SCN2A: variants seen among roughly 807,000 people sequenced by gnomAD.
SCN2A encodes the protein sodium channel protein type 2 subunit alpha.
Under a neutral mutation model 188.7 loss-of-function variants are expected in SCN2A, and 20 were observed. That is an observed-to-expected ratio of 0.11 (90% CI 0.07 to 0.15). The LOEUF is 0.15. SCN2A is among the 10% of genes least tolerant of loss of function. SCN2A has a pLI of 1.00. For missense variants in SCN2A, 1,278 were observed against 2,445.0 expected, an observed-to-expected ratio of 0.52 and a Z score of 10.07; for synonymous variants, 804 against 833.1, an observed-to-expected ratio of 0.97 and a Z score of 0.60.
intron 26 of SCN2A, 47 bp downstream of exon 26, chr2:165,387,063 T>G: frequency 1.3e-6 from 2 of 1,580,120 alleles, no homozygotes; most frequent in Non-Finnish European, 1.7e-6. Flanking sequence ...GTGGTAAAAA[T>G]ATGTGTTTTA....
chr2:165,342,972 A>G (rs1699392160), intron 15 of SCN2A, among the ~76,000 whole-genome samples: 2 of 152,338 alleles, frequency 1.3e-5, no homozygotes, highest in African/African-American at 4.8e-5. Context: ...CCACATCAGA[A>G]AATCACCAAA....
At chr2:165,334,140 G>A (rs1178380069) in intron 14 of SCN2A, among the ~76,000 whole-genome samples, 4 of 150,934 alleles carry the variant, frequency 2.7e-5, no homozygotes, top group South Asian at 4.2e-4. Flanking sequence ...AAAACTTCCT[G>A]CCAAAAAAAG....
chr2:165,389,830 A>G lies in SCN2A; in HGVS notation c.*6A>G. The G allele has an allele frequency of 2.5e-6, 4 of 1,597,902 alleles. No homozygotes were observed. The highest frequency in any genetic ancestry group is 3.4e-6 in the Non-Finnish European group (4 of 1,171,674). On this transcript the variant is annotated 3_prime_UTR_variant, in exon 27 of 27. Coordinates refer to ENST00000375437, the MANE Select transcript of SCN2A (RefSeq NM_001040142.2). This position sits in a 1 kb window ranked among gnomAD's most constrained non-coding sequence, Gnocchi z 4.2. ...TCAGGGAAAGTAAAAAGTAAAAAGAAACCAAGAATTTTCCATTTTGTGATC... is the reference window on the plus strand; with the variant it reads ...TCAGGGAAAGTAAAAAGTAAAAAGAGACCAAGAATTTTCCATTTTGTGATC...
intron 13 of SCN2A, among the ~76,000 whole-genome samples, chr2:165,329,299 C>A (rs1698547174): frequency 6.6e-6 from 1 of 152,076 alleles, no homozygotes; most frequent in Admixed American, 6.6e-5. Flanking sequence ...TTTCTGGTCA[C>A]ACCTTTGTGA....
At chr2:165,279,524 T>G (rs1416665397) in intron 1 of SCN2A, among the ~76,000 whole-genome samples, 1 of 152,138 alleles carries the variant, frequency 6.6e-6, no homozygotes, top group African/African-American at 2.4e-5. Context: ...TTAGACAGAT[T>G]ATTATTATAA....
At chr2:165,303,190 A>G (rs891944413) in intron 3 of SCN2A, among the ~76,000 whole-genome samples, 4 of 150,484 alleles carry the variant, frequency 2.7e-5, no homozygotes, top group African/African-American at 9.8e-5. Context: ...GGGTTTCTAT[A>G]CTTTTTTGAT....
chr2:165,284,772 T>C (rs1695757231), intron 1 of SCN2A, among the ~76,000 whole-genome samples: 1 of 152,228 alleles, frequency 6.6e-6, no homozygotes, highest in African/African-American at 2.4e-5. Context: ...AAATCCAGAA[T>C]TGGAATTCTG....
chr2:165,355,593 G>A (rs183695061), intron 17 of SCN2A, among the ~76,000 whole-genome samples: 25 of 152,172 alleles, frequency 1.6e-4, no homozygotes, highest in East Asian at 5.8e-4. Flanking sequence ...TTCCTCATAC[G>A]AACTGTTTGG....
intron 15 of SCN2A, 87 bp downstream of exon 15, chr2:165,342,556 C>G (rs1699371556): frequency 7.3e-7 from 1 of 1,375,436 alleles, no homozygotes; most frequent in Non-Finnish European, 1.0e-6. Context: ...GATTTCCCAT[C>G]ATTATAATAT....
chr2:165,348,436 A>G (rs769190528), intron 16 of SCN2A, among the ~76,000 whole-genome samples: 1 of 152,000 alleles, frequency 6.6e-6, no homozygotes, highest in Non-Finnish European at 1.5e-5. Flanking sequence ...GTCCCCAAAG[A>G]TAGAGAAAGG....
intron 16 of SCN2A, among the ~76,000 whole-genome samples, chr2:165,348,145 G>C (rs1388682563): frequency 6.6e-6 from 1 of 152,080 alleles, no homozygotes; most frequent in Non-Finnish European, 1.5e-5. Context: ...TTTCACTTGA[G>C]GACAGTAGTT....
At position 165,290,923 on chromosome 2, in the gene SCN2A, C is replaced by T. The variant is rs537350214; in HGVS notation, c.-51-4850C>T. 1.9e-4 allele frequency: 51 copies of T among 269,982 alleles called. 1 individual carries two copies. The highest frequency in any genetic ancestry group is 4.5e-4 in the Admixed American group (7 of 15,404). 16.7% of individuals were successfully genotyped at this position (269,982 alleles called of 1,614,324 possible). A position where few individuals can be genotyped will look rare whatever the true frequency, so the allele number is the denominator to read the frequency against. ...ATATGATGAGAATGTGACTAGAGCA[C>T]GCACTTGTTTGTTCTTTCTGTCCAG... On this transcript the variant is annotated intron_variant, in intron 1 of 26. Transcript: ENST00000375437.
At chr2:165,354,136 A>T in intron 16 of SCN2A, 56 bp from the exon 17 acceptor site, 2 of 1,609,052 alleles carry the variant, frequency 1.2e-6, no homozygotes, top group Non-Finnish European at 1.7e-6. Flanking sequence ...CTAATGATGG[A>T]AAGCAATTGA....
At position 165,273,284 on chromosome 2, in the gene SCN2A, A is replaced by G. The variant is rs1397487208; in HGVS notation, c.-51-22489A>G. 1.3e-5 allele frequency: 2 copies of G among 152,160 alleles called. 1 individual carries two copies. The highest frequency in any genetic ancestry group is 4.1e-4 in the South Asian group (2 of 4,832). The allele number at this position is 152,160 out of a possible 1,614,324, so 9.4% of individuals were successfully genotyped here. A position where few individuals can be genotyped will look rare whatever the true frequency, so the allele number is the denominator to read the frequency against. ...GATTAAAGAGTTGAATAAGCACTCAAAGAAAGTTGTGAAATCTCTGTTCTG... is the reference window on the plus strand; with the variant it reads ...GATTAAAGAGTTGAATAAGCACTCAGAGAAAGTTGTGAAATCTCTGTTCTG... On this transcript the variant is annotated intron_variant, in intron 1 of 26. Transcript: ENST00000375437.
chr2:165,248,246 A>G (rs1358603955), intron 1 of SCN2A, among the ~76,000 whole-genome samples: 1 of 152,162 alleles, frequency 6.6e-6, no homozygotes, highest in Non-Finnish European at 1.5e-5. Context: ...AGTGATATCC[A>G]GTTTTCTCAG....
intron 1 of SCN2A, among the ~76,000 whole-genome samples, chr2:165,294,462 A>AT (rs35309402): frequency 2.6e-5 from 4 of 151,860 alleles, no homozygotes; most frequent in Non-Finnish European, 4.4e-5. Context: ...TTACTTCAAC[A>AT]TTTTTTTTAA....
At chr2:165,310,643 T>C in intron 7 of SCN2A, 48 bp downstream of exon 7, 1 of 1,314,118 alleles carries the variant, frequency 7.6e-7, no homozygotes, top group Non-Finnish European at 1.0e-6. Flanking sequence ...CTCTAAATAT[T>C]AAATATTATA....
chr2:165,323,869 G>C (rs1698212085), intron 12 of SCN2A, among the ~76,000 whole-genome samples: 1 of 152,174 alleles, frequency 6.6e-6, no homozygotes, highest in African/African-American at 2.4e-5. Flanking sequence ...TTTTGTGATT[G>C]TTGTTCATTT....
chr2:165,329,566 C>T (rs889010133), intron 13 of SCN2A, among the ~76,000 whole-genome samples: 4 of 152,138 alleles, frequency 2.6e-5, no homozygotes, highest in African/African-American at 9.7e-5. Flanking sequence ...AGATGAGCCA[C>T]ACCTGCTGAA....
Sources: allele counts gnomAD v4.1 joint callset (sites outside exome capture counted in the v4.1 genomes callset), GRCh38; gene constraint gnomAD v4.1.1; non-coding constraint Gnocchi (gnomAD v3.1); transcripts MANE v1.5; gene names NCBI Gene and HGNC (gene_info 2026-07-23, HGNC 2026-07-21).